Variants in CNTN4 observed in about 807,000 individuals in gnomAD.
The protein encoded by CNTN4 is contactin-4.
CNTN4 carries 77 observed loss-of-function variants against 122.5 expected under a neutral mutation model. That is an observed-to-expected ratio of 0.63 (90% CI 0.52 to 0.76). CNTN4 has a LOEUF of 0.76. Ranked by LOEUF, CNTN4 falls within the 30% of genes least tolerant of loss-of-function variation. CNTN4 has a pLI of 0.00. For synonymous variants in CNTN4, 512 were observed against 447.0 expected (o/e 1.15, Z -1.83); for missense variants, 1,256 against 1,259.1 (o/e 1.00, Z 0.04).
chr3:2,272,805 A>C (rs1419432639), intron 2 of CNTN4, among the ~76,000 whole-genome samples: 1 of 37,330 alleles, frequency 2.7e-5, no homozygotes, highest in East Asian at 1.3e-3. Context: ...GAAACACTAC[A>C]GAGCCTTTTT....
chr3:2,919,623 G>A lies in CNTN4; in HGVS notation c.1208-6006G>A, dbSNP rs571295111. Among the ~76,000 whole-genome samples, 39 of 152,168 alleles carry A rather than the reference G, an allele frequency of 2.6e-4. No individual in the cohort carries two copies. In the East Asian group the frequency reaches 5.8e-3, roughly 23 times the overall value. On this transcript the variant is annotated intron_variant, in intron 12 of 24. Transcript: ENST00000418658. ...CTCTTCTGTTCATTTAGCAGACTTCGCATACTGTACACTACCTGCATAACC... is the reference window on the plus strand; with the variant it reads ...CTCTTCTGTTCATTTAGCAGACTTCACATACTGTACACTACCTGCATAACC...
intron 3 of CNTN4, among the ~76,000 whole-genome samples, chr3:2,347,925 T>C (rs1013242530): frequency 2.0e-5 from 3 of 152,322 alleles, no homozygotes; most frequent in African/African-American, 7.2e-5. Flanking sequence ...CTTTACATAC[T>C]CTTAATTTCT....
At chr3:2,692,112 C>T (rs2149197567) in intron 4 of CNTN4, among the ~76,000 whole-genome samples, 1 of 151,302 alleles carries the variant, frequency 6.6e-6, no homozygotes, top group East Asian at 1.9e-4. Context: ...ACTTAAGTGG[C>T]ACACTTGGAC....
intron 13 of CNTN4, among the ~76,000 whole-genome samples, 156 bp from the exon 14 acceptor site, chr3:2,988,189 G>A (rs1005620975): frequency 4.6e-5 from 7 of 152,040 alleles, no homozygotes; most frequent in Non-Finnish European, 1.0e-4. Context: ...ATGTATATGT[G>A]GACAAATACC....
rs1467891235 is a variant in CNTN4 at position 2,881,527 on chromosome 3, A to AC, written c.653-1618_653-1617insC. Among the ~76,000 whole-genome samples, 9 of 151,926 alleles carry AC rather than the reference A, an allele frequency of 5.9e-5. No individual in the cohort carries two copies. The South Asian group carries it at 1.7e-3, about 28-fold the overall frequency. ...GACTCAGTCTCAAGAAAAAAAAAAA[A>AC]AAAACAGGCAAGGGCCCACCTCTGC... On this transcript the variant is annotated intron_variant, in intron 8 of 24. Transcript: ENST00000418658.
At chr3:2,100,958 G>T (rs920679710) in intron 2 of CNTN4, among the ~76,000 whole-genome samples, 1 of 152,154 alleles carries the variant, frequency 6.6e-6, no homozygotes, top group Non-Finnish European at 1.5e-5. Context: ...GGATAAGGGT[G>T]CATGTCAGAG....
chr3:2,648,732 A>G (rs894602410), intron 4 of CNTN4, among the ~76,000 whole-genome samples: 7 of 152,134 alleles, frequency 4.6e-5, no homozygotes, highest in Non-Finnish European at 8.8e-5. Flanking sequence ...TACATCTTTC[A>G]CTTTGAATAA....
chr3:2,104,890 C>T (rs1376231380), intron 2 of CNTN4, among the ~76,000 whole-genome samples: 1 of 152,172 alleles, frequency 6.6e-6, no homozygotes, highest in Middle Eastern at 3.2e-3. Context: ...TGCCCATTGC[C>T]TTGCTTCCTT....
intron 2 of CNTN4, among the ~76,000 whole-genome samples, chr3:2,230,792 A>G (rs1467550354): frequency 6.6e-6 from 1 of 152,016 alleles, no homozygotes; most frequent in African/African-American, 2.4e-5. Context: ...CGAGACCAGC[A>G]TGGGCAACAT....
At chr3:2,258,792 A>G (rs2040704654) in intron 2 of CNTN4, among the ~76,000 whole-genome samples, 1 of 151,722 alleles carries the variant, frequency 6.6e-6, no homozygotes, top group Non-Finnish European at 1.5e-5. Context: ...TTTTTTTATT[A>G]TTTGTATTAT....
At chr3:2,208,227 C>A (rs756728408) in intron 2 of CNTN4, among the ~76,000 whole-genome samples, 1 of 151,994 alleles carries the variant, frequency 6.6e-6, no homozygotes, top group Non-Finnish European at 1.5e-5. Context: ...AACATTTTTG[C>A]GAATCAAAGG....
At chr3:2,298,766 A>G (rs1575307795) in intron 2 of CNTN4, among the ~76,000 whole-genome samples, 2 of 152,226 alleles carry the variant, frequency 1.3e-5, no homozygotes, top group South Asian at 4.1e-4. Context: ...ATTACGTGGC[A>G]TATATGTGTA....
At chr3:2,489,339 T>C (rs1476205119) in intron 3 of CNTN4, among the ~76,000 whole-genome samples, 1 of 152,180 alleles carries the variant, frequency 6.6e-6, no homozygotes, top group Admixed American at 6.5e-5. Context: ...TGAAGCAATG[T>C]AGTAGCTTCG....
intron 2 of CNTN4, among the ~76,000 whole-genome samples, chr3:2,162,869 G>A (rs2036027050): frequency 6.6e-6 from 1 of 152,172 alleles, no homozygotes; most frequent in South Asian, 2.1e-4. Flanking sequence ...GGCAGAGGCG[G>A]GTGGGTGGCT....
chr3:2,451,502 A>G (rs1368571940), intron 3 of CNTN4, among the ~76,000 whole-genome samples: 1 of 149,376 alleles, frequency 6.7e-6, no homozygotes, highest in South Asian at 2.1e-4. Flanking sequence ...TTTTTTTTGT[A>G]CTAAACTGGT....
intron 3 of CNTN4, among the ~76,000 whole-genome samples, chr3:2,410,427 A>G (rs1229234365): frequency 6.6e-6 from 1 of 152,200 alleles, no homozygotes; most frequent in Admixed American, 6.5e-5. Flanking sequence ...CTATTCGTCC[A>G]CTTTACCACA....
intron 3 of CNTN4, among the ~76,000 whole-genome samples, chr3:2,357,310 T>C (rs917817591): frequency 8.5e-5 from 13 of 152,206 alleles, no homozygotes; most frequent in African/African-American, 3.1e-4. Flanking sequence ...TCAGTTTAGG[T>C]GGGTTACTTG....
At chr3:2,206,138 G>A (rs559872234) in intron 2 of CNTN4, among the ~76,000 whole-genome samples, 79 of 152,010 alleles carry the variant, frequency 5.2e-4, no homozygotes, top group African/African-American at 1.8e-3. Context: ...TTCTTACCAA[G>A]TAAATTATTG....
intron 12 of CNTN4, among the ~76,000 whole-genome samples, chr3:2,921,149 C>T (rs1339888964): frequency 6.6e-6 from 1 of 152,192 alleles, no homozygotes; most frequent in East Asian, 1.9e-4. Flanking sequence ...GTGATCTTCT[C>T]ACCTCAGCTT....
Sources: allele counts gnomAD v4.1 joint callset (sites outside exome capture counted in the v4.1 genomes callset), GRCh38; gene constraint gnomAD v4.1.1; transcripts MANE v1.5; gene names NCBI Gene and HGNC (gene_info 2026-07-23, HGNC 2026-07-21).